The following ZBTB33 variants were observed in gnomAD, a reference collection of about 807,000 sequenced individuals.
ZBTB33 encodes the protein zinc finger and BTB domain containing 33, also known as transcriptional regulator Kaiso.
ZBTB33 carries 11 observed loss-of-function variants against 25.9 expected under a neutral mutation model. That is an observed-to-expected ratio of 0.42 (90% CI 0.27 to 0.70). ZBTB33 has a LOEUF of 0.70. ZBTB33 is among the 30% of genes least tolerant of loss of function. The pLI is 0.23. For missense variants in ZBTB33, 343 were observed against 501.1 expected, an observed-to-expected ratio of 0.68 and a Z score of 3.01; for synonymous variants, 157 against 184.8, an observed-to-expected ratio of 0.85 and a Z score of 1.22.
In ZBTB33 at chrX:120,254,285, A is replaced by G. The variant is rs577598043; in HGVS notation, c.870A>G (p.Thr290=). ...TGTTAAATCAGACACCACTTTCTAC[A>G]CCACCAAATGTCAGTTCTTCACTTC... ...IILLNQTPLS[T]PPNVSSSLPN... Residue 290 remains threonine (T), a synonymous_variant, in exon 3 of 3, where the codon ACA becomes ACG. Transcript: ENST00000557385. The G allele has an allele frequency of 1.7e-6, 2 of 1,211,902 alleles. No individual in the cohort carries two copies. The highest frequency in any genetic ancestry group is 1.1e-6 in the Non-Finnish European group (1 of 895,553).
intron 2 of ZBTB33, among the ~76,000 whole-genome samples, chrX:120,253,007 T>C (rs1556014585): frequency 8.9e-6 from 1 of 112,389 alleles, no homozygotes; most frequent in African/African-American, 3.2e-5. Context: ...AAATAACTTC[T>C]GTGTGTTCAT....
intron 1 of ZBTB33, among the ~76,000 whole-genome samples, chrX:120,251,779 T>G (rs1556014372): frequency 8.9e-6 from 1 of 112,190 alleles, no homozygotes; most frequent in East Asian, 2.8e-4. Flanking sequence ...GACCGACTTG[T>G]GCTGTCTCTG....
chrX:120,254,855 T>C lies in ZBTB33; in HGVS notation c.1440T>C (p.His480=). Residue 480 remains histidine (H), a synonymous_variant, in exon 3 of 3, where the codon CAT becomes CAC. Transcript: ENST00000557385. Reference sequence around the variant, plus strand: ...CAAACAAACGTATGAAAGTAAAACATGATGATCACTATGAGTTAATAGTAG... The same window carrying C: ...CAAACAAACGTATGAAAGTAAAACACGATGATCACTATGAGTTAATAGTAG... ...EMANKRMKVK[H]DDHYELIVDG... 3.3e-6 allele frequency: 4 copies of C among 1,211,790 alleles called. No individual in the cohort carries two copies. The highest frequency in any genetic ancestry group is 4.5e-6 in the Non-Finnish European group (4 of 895,476).
rs2057622783 is a variant in ZBTB33, at chrX:120,254,414, A to G, written c.999A>G (p.Glu333=). 8.3e-7 allele frequency: 1 copy of G among 1,209,532 alleles called. No homozygotes were observed. Among genetic ancestry groups the G allele is most frequent in the Non-Finnish European group, 1.1e-6 (1 of 895,181 alleles). Residue 333 remains glutamate, a synonymous_variant, in exon 3 of 3, where the codon GAA becomes GAG. Coordinates refer to ENST00000557385, the MANE Select transcript of ZBTB33 (RefSeq NM_001184742.2). The part of the protein sequence containing the change: ...GNKANEEEEE[E]IIDDDDDTIS... ...AGGCCAATGAAGAGGAGGAGGAGGAAATAATAGATGATGATGATGACACTA... is the reference window on the plus strand; with the variant it reads ...AGGCCAATGAAGAGGAGGAGGAGGAGATAATAGATGATGATGATGACACTA...
rs1459624820 is a variant in ZBTB33, at chrX:120,256,037, C to T, written c.*603C>T. 8.1e-6 allele frequency: 1 copy of T among 123,265 alleles called. No individual in the cohort carries two copies. Among genetic ancestry groups the T allele is most frequent in the Non-Finnish European group, 1.9e-5 (1 of 53,314 alleles). The allele number at this position is 123,265 out of a possible 1,213,427, so 10.2% of individuals were successfully genotyped here. On this transcript the variant is annotated 3_prime_UTR_variant, in exon 3 of 3. Transcript: ENST00000557385. Reference sequence around the variant, plus strand: ...CATCTGAAGAACAAATTAGATTTAGCTAATTAGAATTAATCCTGGCTTTCA... The same window carrying T: ...CATCTGAAGAACAAATTAGATTTAGTTAATTAGAATTAATCCTGGCTTTCA...
rs1556015213 is a variant in ZBTB33, at chrX:120,255,261, G to A, written c.1846G>A (p.Gly616Arg). Residue 616 changes from glycine (G) to arginine (R), a missense_variant, in exon 3 of 3, where the codon GGG becomes AGG. Gly to Arg is a moderately radical substitution (Grantham distance 125). Coordinates refer to ENST00000557385, the MANE Select transcript of ZBTB33 (RefSeq NM_001184742.2). The part of the protein sequence containing the change: ...TIPAMKDDGI[G>R]YKVDTGKEPP... ...TCCTGCAATGAAGGATGATGGTATT[G>A]GGTATAAGGTTGACACTGGAAAAGA... 2 of 1,211,789 alleles carry A rather than the reference G, an allele frequency of 1.7e-6. No homozygotes were observed. Among genetic ancestry groups the A allele is most frequent in the South Asian group, 3.5e-5 (2 of 57,005 alleles).
rs1038433335 is a variant in ZBTB33 at position 120,253,842 on chromosome X, G to C, written c.427G>C (p.Gly143Arg). 4 of 1,209,187 alleles carry C rather than the reference G, an allele frequency of 3.3e-6. No individual in the cohort carries two copies. Among genetic ancestry groups the C allele is most frequent in the Non-Finnish European group, 4.5e-6 (4 of 895,058 alleles). The change falls in exon 3 of 3, where the codon GGT becomes CGT. Residue 143 changes from glycine to arginine, a missense_variant. By Grantham distance (125) the Gly-to-Arg change is moderately radical. Transcript: ENST00000557385. ...GNTEPLPPDS[G>R]DKNLVIQKSK... is the part of the protein sequence containing the mutation. ...TACTGAGCCTTTACCTCCTGATTCT[G>C]GTGACAAGAACCTTGTAATACAGAA... is the stretch of plus-strand genomic sequence containing the variant.
At position 120,257,169 on chromosome X, in the gene ZBTB33, G is replaced by T. The variant is rs1377329998; in HGVS notation, c.*1735G>T. 1 of 122,613 alleles carries T rather than the reference G, an allele frequency of 8.2e-6. No individual in the cohort carries two copies. Among genetic ancestry groups the T allele is most frequent in the Non-Finnish European group, 1.9e-5 (1 of 52,952 alleles). 10.1% of individuals were successfully genotyped at this position (122,613 alleles called of 1,213,427 possible). On this transcript the variant is annotated 3_prime_UTR_variant, in exon 3 of 3. Coordinates refer to ENST00000557385, the MANE Select transcript of ZBTB33 (RefSeq NM_001184742.2). ...GTAAGTCTAGACCTTCAAACCATTTGTAAACTAACCCCTGGGAAATTTGAA... is the reference window on the plus strand; with the variant it reads ...GTAAGTCTAGACCTTCAAACCATTTTTAAACTAACCCCTGGGAAATTTGAA...
In ZBTB33 at chrX:120,256,691, A is replaced by G. The variant is rs2057640211; in HGVS notation, c.*1257A>G. On this transcript the variant is annotated 3_prime_UTR_variant, in exon 3 of 3. Transcript: ENST00000557385. ...AGAAAATAAAGTTAACACTTACTGA[A>G]GTGCTAGTACTAAACTGTGCTAGTA... The G allele has an allele frequency of 8.1e-6, 1 of 123,084 alleles. No homozygotes were observed. The highest frequency in any genetic ancestry group is 3.7e-4 in the South Asian group (1 of 2,702). The allele number at this position is 123,084 out of a possible 1,213,427, so 10.1% of individuals were successfully genotyped here.
rs1268863981 is a variant in ZBTB33, at chrX:120,254,048, T to C, written c.633T>C (p.Asn211=). 5 of 1,210,902 alleles carry C rather than the reference T, an allele frequency of 4.1e-6. No individual in the cohort carries two copies. Among genetic ancestry groups the C allele is most frequent in the African/African-American group, 1.7e-5 (1 of 57,717 alleles). The stretch of plus-strand genomic sequence containing the variant: ...CCACAAAGGAGACTTTGCCGAGTAA[T>C]AACACAGTGGCACAGGTCCAATCTA... ...ILPTKETLPS[N]NTVAQVQSNP... Residue 211 remains asparagine, a synonymous_variant, in exon 3 of 3, where the codon AAT becomes AAC. Transcript: ENST00000557385.
chrX:120,255,647 A>G lies in ZBTB33; in HGVS notation c.*213A>G. 1 of 378,677 alleles carries G rather than the reference A, an allele frequency of 2.6e-6. No individual in the cohort carries two copies. The highest frequency in any genetic ancestry group is 4.7e-6 in the Non-Finnish European group (1 of 214,744). The allele number at this position is 378,677 out of a possible 1,213,427, so 31.2% of individuals were successfully genotyped here. On this transcript the variant is annotated 3_prime_UTR_variant, in exon 3 of 3. Transcript: ENST00000557385. ...CCCCTCCCCAAGTATCTGTTTATAT[A>G]GTTAGTTTTCAGCTCATTTAAAAGA...
At position 120,254,129 on chromosome X, in the gene ZBTB33, C is replaced by T. The variant is rs781931438; in HGVS notation, c.714C>T (p.Pro238=). 1 of 1,211,389 alleles carries T rather than the reference C, an allele frequency of 8.3e-7. No homozygotes were observed. The highest frequency in any genetic ancestry group is 1.1e-6 in the Non-Finnish European group (1 of 895,405). Residue 238 remains proline, a synonymous_variant, in exon 3 of 3, where the codon CCC becomes CCT. Transcript: ENST00000557385. ...DVAPSASNNS[P]PLTNITPTQK... is the part of the protein sequence containing the mutation. ...CACCTAGTGCTAGCAATAACTCGCC[C>T]CCTTTAACAAATATCACACCTACTC...
At position 120,257,462 on chromosome X, in the gene ZBTB33, C is replaced by T. The variant is rs1338743085; in HGVS notation, c.*2028C>T. 8.1e-6 allele frequency: 1 copy of T among 122,929 alleles called. No individual in the cohort carries two copies. The highest frequency in any genetic ancestry group is 1.9e-5 in the Non-Finnish European group (1 of 53,051). The allele number at this position is 122,929 out of a possible 1,213,427, so 10.1% of individuals were successfully genotyped here. A position where few individuals can be genotyped will look rare whatever the true frequency, so the allele number is the denominator to read the frequency against. The stretch of plus-strand genomic sequence containing the variant: ...TTGTCATAATAAAACTTGGCAGATT[C>T]TACAAGTCTATTATGACAAACCAGG... On this transcript the variant is annotated 3_prime_UTR_variant, in exon 3 of 3. Coordinates refer to ENST00000557385, the MANE Select transcript of ZBTB33 (RefSeq NM_001184742.2).
In ZBTB33 at chrX:120,255,231, A is replaced by G. The variant is rs782602137; in HGVS notation, c.1816A>G (p.Thr606Ala). 1.1e-4 allele frequency: 130 copies of G among 1,210,336 alleles called. No individual in the cohort carries two copies. The highest frequency in any genetic ancestry group is 1.4e-4 in the Non-Finnish European group (126 of 895,269). ...QYAYLSDRSS[T>A]IPAMKDDGIG... ...TGCATATCTTTCCGATAGATCAAGCACTATTCCTGCAATGAAGGATGATGG... is the reference window on the plus strand; with the variant it reads ...TGCATATCTTTCCGATAGATCAAGCGCTATTCCTGCAATGAAGGATGATGG... Residue 606 changes from threonine to alanine, a missense_variant, in exon 3 of 3, where the codon ACT becomes GCT. By Grantham distance (58) the Thr-to-Ala change is moderately conservative. Transcript: ENST00000557385.
rs1267919971 is a variant in ZBTB33 at position 120,250,828 on chromosome X, C to CAGG, written c.-250_-248dup. 1 of 113,779 alleles carries CAGG rather than the reference C, an allele frequency of 8.8e-6. No individual in the cohort carries two copies. The highest frequency in any genetic ancestry group is 3.2e-5 in the African/African-American group (1 of 31,222). The allele number at this position is 113,779 out of a possible 1,213,427, so 9.4% of individuals were successfully genotyped here. A position where few individuals can be genotyped will look rare whatever the true frequency, so the allele number is the denominator to read the frequency against. Reference sequence around the variant, plus strand: ...GGGGCAGCTGTAGCAGCGTTGGCGGCAGGAGGCGGCGGCCGCGTCGACGTC... The same window carrying CAGG: ...GGGGCAGCTGTAGCAGCGTTGGCGGCAGGAGGAGGCGGCGGCCGCGTCGACGTC... On this transcript the variant is annotated 5_prime_UTR_variant, in exon 1 of 3. Transcript: ENST00000557385.
rs1434113200 is a variant in ZBTB33, at chrX:120,255,453, A to G, written c.*19A>G. Reference sequence around the variant, plus strand: ...TTACTAAACTCCTTTGAAATACTAGAAAGTTTTGTTTTGGATGATGGGGCA... The same window carrying G: ...TTACTAAACTCCTTTGAAATACTAGGAAGTTTTGTTTTGGATGATGGGGCA... On this transcript the variant is annotated 3_prime_UTR_variant, in exon 3 of 3. Coordinates refer to ENST00000557385, the MANE Select transcript of ZBTB33 (RefSeq NM_001184742.2). 4.8e-5 allele frequency: 55 copies of G among 1,151,398 alleles called. No individual in the cohort carries two copies. The highest frequency in any genetic ancestry group is 6.2e-5 in the Non-Finnish European group (53 of 855,772). 94.9% of individuals were successfully genotyped at this position (1,151,398 alleles called of 1,213,427 possible).
Position 120,253,508 on chromosome X carries a change from C to CTGTGATGTT in ZBTB33, c.94_102dup (p.Cys32_Val34dup). On this transcript the variant is annotated inframe_insertion, in exon 3 of 3. Coordinates refer to ENST00000557385, the MANE Select transcript of ZBTB33 (RefSeq NM_001184742.2). ...ATGAGCAACGTGGCCATGGACTCTT[C>CTGTGATGTT]TGTGATGTTACCGTTATTGTGGAAG... is the stretch of plus-strand genomic sequence containing the variant. The CTGTGATGTT allele has an allele frequency of 8.3e-7, 1 of 1,211,992 alleles. No homozygotes were observed. The highest frequency in any genetic ancestry group is 1.1e-6 in the Non-Finnish European group (1 of 895,596).
intron 2 of ZBTB33, among the ~76,000 whole-genome samples, chrX:120,253,183 A>T (rs782233451): frequency 1.8e-5 from 2 of 111,907 alleles, no homozygotes; most frequent in East Asian, 2.8e-4. Context: ...TTACTGTTCA[A>T]ATCTCTGTAA....
At position 120,256,862 on chromosome X, in the gene ZBTB33, CCTTG is replaced by C. The variant is rs1349433142; in HGVS notation, c.*1432_*1435del. The C allele has an allele frequency of 1.7e-5, 2 of 119,667 alleles. No individual in the cohort carries two copies. Among genetic ancestry groups the C allele is most frequent in the Non-Finnish European group, 3.8e-5 (2 of 52,294 alleles). 9.9% of individuals were successfully genotyped at this position (119,667 alleles called of 1,213,427 possible). ...GTGCATAGTTATTAGTCATTTGTAA[CCTTG>C]CTTAAGTATTTCTTAGTCCAACATA... On this transcript the variant is annotated 3_prime_UTR_variant, in exon 3 of 3. Coordinates refer to ENST00000557385, the MANE Select transcript of ZBTB33 (RefSeq NM_001184742.2).
Sources: allele counts gnomAD v4.1 joint callset (sites outside exome capture counted in the v4.1 genomes callset), GRCh38; gene constraint gnomAD v4.1.1; transcripts MANE v1.5; gene names NCBI Gene and HGNC (gene_info 2026-07-23, HGNC 2026-07-21).